TNFRSF11A: variants seen among roughly 807,000 people sequenced by gnomAD.
TNFRSF11A encodes the protein TNF receptor superfamily member 11a.
TNFRSF11A carries 32 observed loss-of-function variants against 55.7 expected under a neutral mutation model. The observed-to-expected ratio is 0.57, with a 90% CI of 0.43 to 0.77. The LOEUF is 0.77. TNFRSF11A is among the 30% of genes least tolerant of loss of function. TNFRSF11A has a pLI of 0.00. For synonymous variants in TNFRSF11A, 311 were observed against 331.0 expected (o/e 0.94, Z 0.65); for missense variants, 753 against 809.8 (o/e 0.93, Z 0.85).
At chr18:62,343,170 A>T (rs2046337396) in intron 1 of TNFRSF11A, among the ~76,000 whole-genome samples, 1 of 152,224 alleles carries the variant, frequency 6.6e-6, no homozygotes, top group African/African-American at 2.4e-5. Context: ...CAGAAATTTG[A>T]TACCATCCTT....
chr18:62,356,729 C>T (rs908239618), intron 4 of TNFRSF11A, among the ~76,000 whole-genome samples: 2 of 152,206 alleles, frequency 1.3e-5, no homozygotes, highest in Non-Finnish European at 2.9e-5. Flanking sequence ...TCCCCAATGT[C>T]CACTTGTCAC....
rs1911883553 is a variant in TNFRSF11A, at chr18:62,388,805, A to G, written c.*3771A>G. 6.6e-6 allele frequency: 1 copy of G among 152,258 alleles called. No individual in the cohort carries two copies. Among genetic ancestry groups the G allele is most frequent in the Admixed American group, 6.5e-5 (1 of 15,284 alleles). 9.4% of individuals were successfully genotyped at this position (152,258 alleles called of 1,614,324 possible). On this transcript the variant is annotated 3_prime_UTR_variant, in exon 10 of 10. Transcript: ENST00000586569. Reference sequence around the variant, plus strand: ...AAAACTGAAAAGTCACAACTTCTAAAATCAAGAAAACTGGTGAGATACCTT... The same window carrying G: ...AAAACTGAAAAGTCACAACTTCTAAGATCAAGAAAACTGGTGAGATACCTT...
In TNFRSF11A at chr18:62,366,776, G is replaced by A; in HGVS notation, c.783+16G>A. ...TGGAGATAAGGTAGAGTGAACAGTT[G>A]TTGGTGCCTCTGTTAAGTACATTCA... is the stretch of plus-strand genomic sequence containing the variant. On this transcript the variant is annotated intron_variant, in intron 8 of 9. Transcript: ENST00000586569. The A allele has an allele frequency of 1.2e-6, 2 of 1,613,886 alleles. No individual in the cohort carries two copies. The highest frequency in any genetic ancestry group is 1.7e-6 in the Non-Finnish European group (2 of 1,179,806).
chr18:62,332,603 G>T (rs189402252), intron 1 of TNFRSF11A, among the ~76,000 whole-genome samples: 1 of 152,046 alleles, frequency 6.6e-6, no homozygotes, highest in Admixed American at 6.5e-5. Context: ...TTCTTTAATG[G>T]GGTAAAAACC....
intron 9 of TNFRSF11A, chr18:62,377,996 G>C (rs1911015453): frequency 6.6e-6 from 1 of 152,132 alleles, no homozygotes; most frequent in Non-Finnish European, 1.5e-5. Context: ...TAGGCATTCA[G>C]TGGGAAGAGT....
chr18:62,356,949 C>A (rs1478261480), intron 4 of TNFRSF11A, among the ~76,000 whole-genome samples: 9 of 152,152 alleles, frequency 5.9e-5, no homozygotes, highest in Non-Finnish European at 1.3e-4. Context: ...TGCCTGTTAG[C>A]CCCCGTCTCT....
intron 8 of TNFRSF11A, among the ~76,000 whole-genome samples, chr18:62,366,989 C>T (rs1910137191): frequency 6.6e-6 from 1 of 152,190 alleles, no homozygotes; most frequent in Non-Finnish European, 1.5e-5. Flanking sequence ...GCTGGGATTA[C>T]AGGAGCCCAC....
At chr18:62,366,311 A>G (rs1017258910) in intron 7 of TNFRSF11A, among the ~76,000 whole-genome samples, 1 of 152,254 alleles carries the variant, frequency 6.6e-6, no homozygotes, top group Non-Finnish European at 1.5e-5. Flanking sequence ...AAAGTCAAAT[A>G]TACAGAGATA....
chr18:62,370,156 A>G (rs1355233306), intron 9 of TNFRSF11A, among the ~76,000 whole-genome samples: 1 of 152,226 alleles, frequency 6.6e-6, no homozygotes, highest in Non-Finnish European at 1.5e-5. Context: ...CTGCCTGAGC[A>G]TGAACAACCC....
At chr18:62,371,577 C>T (rs954097179) in intron 9 of TNFRSF11A, among the ~76,000 whole-genome samples, 4 of 152,116 alleles carry the variant, frequency 2.6e-5, no homozygotes, top group Non-Finnish European at 5.9e-5. Context: ...TTTCTGTCTT[C>T]GTCTGGTGCT....
At chr18:62,357,202 A>G (rs34739845) in intron 4 of TNFRSF11A, among the ~76,000 whole-genome samples, 15,689 of 152,254 alleles carry the variant, frequency 0.1, 1,131 homozygotes, top group East Asian at 0.3. Flanking sequence ...TTATTCACGA[A>G]AGTAAATCAC....
At chr18:62,352,617 T>G (rs12455775) in intron 3 of TNFRSF11A, among the ~76,000 whole-genome samples, 15,784 of 152,300 alleles carry the variant, frequency 0.1, 1,153 homozygotes, top group East Asian at 0.31. Flanking sequence ...GTCAAAATTA[T>G]TCATCACCAC....
chr18:62,374,263 G>A (rs1910746016), intron 9 of TNFRSF11A: 1 of 152,120 alleles, frequency 6.6e-6, no homozygotes, highest in Non-Finnish European at 1.5e-5. Flanking sequence ...CATTTTGGAA[G>A]GCTTTGGTCT....
At chr18:62,365,570 C>T (rs1910021520) in intron 7 of TNFRSF11A, among the ~76,000 whole-genome samples, 1 of 152,126 alleles carries the variant, frequency 6.6e-6, no homozygotes, top group African/African-American at 2.4e-5. Context: ...AAAAACCAGT[C>T]TCCTAGACAT....
chr18:62,376,681 A>G (rs1294713314), intron 9 of TNFRSF11A, among the ~76,000 whole-genome samples: 2 of 152,056 alleles, frequency 1.3e-5, no homozygotes, highest in African/African-American at 2.4e-5. Context: ...ATCCACCATG[A>G]TAGTCTCCTA....
In TNFRSF11A at chr18:62,382,655, C is replaced by T. The variant is rs562407709; in HGVS notation, c.1568-2096C>T. Among the ~76,000 whole-genome samples the T allele has an allele frequency of 4.6e-5, 7 of 152,010 alleles. No individual in the cohort carries two copies. In the South Asian group the frequency reaches 6.2e-4, roughly 14 times the overall value. Reference sequence around the variant, plus strand: ...CTGTGTGTTTTGTTTTGGTTTTCTGCGGGGGGAGTGGAACCAGCTTGCTTC... The same window carrying T: ...CTGTGTGTTTTGTTTTGGTTTTCTGTGGGGGGAGTGGAACCAGCTTGCTTC... On this transcript the variant is annotated intron_variant, in intron 9 of 9. Transcript: ENST00000586569.
At chr18:62,369,586 A>G in intron 9 of TNFRSF11A, 102 bp downstream of exon 9, 1 of 1,433,020 alleles carries the variant, frequency 7.0e-7, no homozygotes, top group Non-Finnish European at 9.6e-7. Flanking sequence ...AGCTAATGGG[A>G]AAACCTCAGC....
intron 2 of TNFRSF11A, 87 bp downstream of exon 2, chr18:62,348,336 G>T (rs1810426987): frequency 8.1e-7 from 1 of 1,227,374 alleles, no homozygotes; most frequent in Non-Finnish European, 1.2e-6. Flanking sequence ...ATGAAAAAAA[G>T]AAATTGGATA....
At chr18:62,355,641 A>G (rs1268916709) in intron 4 of TNFRSF11A, among the ~76,000 whole-genome samples, 1 of 152,218 alleles carries the variant, frequency 6.6e-6, no homozygotes, top group Admixed American at 6.5e-5. Context: ...CTTCTGGACC[A>G]AGTTGTCACT....
Sources: allele counts gnomAD v4.1 joint callset (sites outside exome capture counted in the v4.1 genomes callset), GRCh38; gene constraint gnomAD v4.1.1; transcripts MANE v1.5; gene names NCBI Gene and HGNC (gene_info 2026-07-23, HGNC 2026-07-21).